LAMC1: variants seen among roughly 807,000 people sequenced by gnomAD.
The protein encoded by LAMC1 is laminin subunit gamma-1.
In LAMC1, 38 loss-of-function variants were observed where a neutral mutation model predicts 173.6. The ratio of observed to expected loss-of-function variants is 0.22; its 90% CI spans 0.17 to 0.29. The LOEUF (loss-of-function observed/expected upper bound fraction) is 0.29, where lower values mean the gene tolerates loss of function less well. Among genes scored for constraint, LAMC1 ranks in the 10% least tolerant of loss-of-function variants. The probability of loss-of-function intolerance (pLI) is 1.00; values close to 1 mark genes in which losing one functional copy is unlikely to be tolerated. For missense variants in LAMC1, 1,824 were observed against 2,051.8 expected (o/e 0.89, Z 2.14); for synonymous variants, 746 against 749.1 (o/e 1.00, Z 0.07).
chr1:183,101,569 G>A (rs140355799), intron 1 of LAMC1, among the ~76,000 whole-genome samples: 11 of 151,826 alleles, frequency 7.2e-5, no homozygotes, highest in Non-Finnish European at 1.0e-4. Context: ...CCCTATTGTG[G>A]TAATGCCTTA....
Position 183,117,452 on chromosome 1 carries a change from G to T in LAMC1, c.1687+10G>T, listed in dbSNP as rs1331949153. 1 of 1,612,100 alleles carries T rather than the reference G, an allele frequency of 6.2e-7. No homozygotes were observed. Among genetic ancestry groups the T allele is most frequent in the Non-Finnish European group, 8.5e-7 (1 of 1,178,446 alleles). ...TACTTCATTGCTCCTGGTAAGTAAGGCTAGAAAGCAGTCTGACCTGCTGTG... is the reference window on the plus strand; with the variant it reads ...TACTTCATTGCTCCTGGTAAGTAAGTCTAGAAAGCAGTCTGACCTGCTGTG... On this transcript the variant is annotated intron_variant, in intron 9 of 27. Transcript: ENST00000258341.
Position 183,142,833 on chromosome 1 carries a change from A to T in LAMC1, c.*43A>T, listed in dbSNP as rs757029518. ...GGCAGCATCCCTCTGACAGGGGGGC[A>T]GTTGTGAGGCCACAGAGTGCCTTGA... On this transcript the variant is annotated 3_prime_UTR_variant, in exon 28 of 28. Coordinates refer to ENST00000258341, the MANE Select transcript of LAMC1 (RefSeq NM_002293.4). The T allele has an allele frequency of 5.8e-6, 9 of 1,561,458 alleles. No homozygotes were observed. The highest frequency in any genetic ancestry group is 7.8e-6 in the Non-Finnish European group (9 of 1,155,312).
intron 6 of LAMC1, among the ~76,000 whole-genome samples, chr1:183,116,169 T>C (rs6692207): frequency 0.52 from 77,608 of 149,998 alleles, 20,723 homozygotes; most frequent in South Asian, 0.65. Context: ...TTTTGTTCTA[T>C]GTGTATTTCT....
intron 1 of LAMC1, among the ~76,000 whole-genome samples, chr1:183,025,847 G>A (rs1653672822): frequency 6.6e-6 from 1 of 152,200 alleles, no homozygotes; most frequent in Admixed American, 6.5e-5. Context: ...TAAAGGTGGG[G>A]TTGTCAATCT....
intron 1 of LAMC1, among the ~76,000 whole-genome samples, chr1:183,101,865 G>T (rs1655842475): frequency 6.6e-6 from 1 of 152,190 alleles, no homozygotes; most frequent in African/African-American, 2.4e-5. Context: ...CCTCCTCTAA[G>T]ATCTGGGCCA....
chr1:183,031,075 G>C (rs1434790167), intron 1 of LAMC1, among the ~76,000 whole-genome samples: 2 of 152,122 alleles, frequency 1.3e-5, no homozygotes, highest in African/African-American at 2.4e-5. Flanking sequence ...GCAGCTGAGG[G>C]GAAAGGTTAC....
chr1:183,114,239 T>A (rs1324027594), intron 4 of LAMC1, among the ~76,000 whole-genome samples: 4 of 152,152 alleles, frequency 2.6e-5, no homozygotes. Context: ...CCGGCTAATT[T>A]TTTGTATTTT....
At chr1:183,116,095 A>AC (rs1558052971) in intron 6 of LAMC1, among the ~76,000 whole-genome samples, 1 of 147,988 alleles carries the variant, frequency 6.8e-6, no homozygotes, top group Non-Finnish European at 1.5e-5. Context: ...GCGCCACTGC[A>AC]CTCCAGCGTG....
Position 183,117,612 on chromosome 1 carries a change from G to T in LAMC1, c.1766G>T (p.Arg589Leu). The T allele has an allele frequency of 6.2e-7, 1 of 1,614,132 alleles. No homozygotes were observed. The highest frequency in any genetic ancestry group is 8.5e-7 in the Non-Finnish European group (1 of 1,180,022). The change falls in exon 10 of 28, where the codon CGC becomes CTC. Residue 589 changes from arginine (R) to leucine (L), a missense_variant. Transcript: ENST00000258341. ...FSFRVDRRDT[R>L]LSAEDLVLEG... ...TTTCGAGTGGACAGGCGAGATACTC[G>T]CCTCTCTGCAGAAGACCTTGTGCTT...
chr1:183,059,708 AG>A (rs1373831661), intron 1 of LAMC1, among the ~76,000 whole-genome samples: 1 of 152,152 alleles, frequency 6.6e-6, no homozygotes, highest in Non-Finnish European at 1.5e-5. Flanking sequence ...GGTAAAACAG[AG>A]GGGACACAAA....
Position 183,128,704 on chromosome 1 carries a change from A to G in LAMC1, c.3234A>G (p.Ala1078=). 1 of 1,613,600 alleles carries G rather than the reference A, an allele frequency of 6.2e-7. No homozygotes were observed. Among genetic ancestry groups the G allele is most frequent in the Non-Finnish European group, 8.5e-7 (1 of 1,179,626 alleles). Residue 1078 remains alanine (A), a synonymous_variant, in exon 18 of 28, where the codon GCA becomes GCG. Coordinates refer to ENST00000258341, the MANE Select transcript of LAMC1 (RefSeq NM_002293.4). The stretch of plus-strand genomic sequence containing the variant: ...CCTTCGAGGATAGACTAAAGGAAGC[A>G]GAGAGGGAAGTTATGGACCTCCTTC... ...DQAFEDRLKE[A]EREVMDLLRE...
chr1:183,116,061 T>C (rs6692097), intron 6 of LAMC1, among the ~76,000 whole-genome samples: 77,588 of 145,980 alleles, frequency 0.53, 20,715 homozygotes, highest in South Asian at 0.66. Context: ...ACCTGGGAGG[T>C]GGAGCTTGCA....
intron 1 of LAMC1, among the ~76,000 whole-genome samples, chr1:183,065,840 G>A (rs1654861370): frequency 6.6e-6 from 1 of 152,188 alleles, no homozygotes; most frequent in African/African-American, 2.4e-5. Context: ...TTTGCAGCTG[G>A]GTGATTTGGG....
intron 1 of LAMC1, among the ~76,000 whole-genome samples, chr1:183,088,018 G>C (rs1655476630): frequency 6.6e-6 from 1 of 151,882 alleles, no homozygotes; most frequent in Non-Finnish European, 1.5e-5. Flanking sequence ...TCTCTATGTT[G>C]GTCAGGCTGG....
chr1:183,127,191 T>G (rs1440996882), intron 16 of LAMC1, 35 bp from the exon 17 acceptor site: 1 of 1,591,520 alleles, frequency 6.3e-7, no homozygotes. Context: ...TTCCTTCTTT[T>G]GCTAATTATG....
intron 20 of LAMC1, among the ~76,000 whole-genome samples, 154 bp downstream of exon 20, chr1:183,131,532 GATATT>G (rs1364934214): frequency 6.6e-6 from 1 of 150,798 alleles, no homozygotes. Flanking sequence ...TCTTTTCTAA[GATATT>G]ATCAGCTGTG....
At chr1:183,077,772 T>TTGTG (rs796592939) in intron 1 of LAMC1, among the ~76,000 whole-genome samples, 7 of 78,422 alleles carry the variant, frequency 8.9e-5, no homozygotes, top group Admixed American at 1.5e-4. Context: ...TTTATGGCCA[T>TTGTG]TGTGTATATA....
At chr1:183,093,546 T>A (rs1210005692) in intron 1 of LAMC1, among the ~76,000 whole-genome samples, 2 of 152,158 alleles carry the variant, frequency 1.3e-5, no homozygotes, top group Non-Finnish European at 2.9e-5. Flanking sequence ...TCTATGTCCA[T>A]TCCCTAGTTG....
At chr1:183,088,427 A>G (rs1375091756) in intron 1 of LAMC1, among the ~76,000 whole-genome samples, 1 of 152,246 alleles carries the variant, frequency 6.6e-6, no homozygotes, top group Non-Finnish European at 1.5e-5. Context: ...GGCATATTCA[A>G]TCAAATGGAA....
Sources: allele counts gnomAD v4.1 joint callset (sites outside exome capture counted in the v4.1 genomes callset), GRCh38; gene constraint gnomAD v4.1.1; transcripts MANE v1.5; gene names NCBI Gene and HGNC (gene_info 2026-07-23, HGNC 2026-07-21).